The following CNTN4 variants were observed in gnomAD, a reference collection of about 807,000 sequenced individuals.
CNTN4 encodes contactin-4.
Under a neutral mutation model 122.5 loss-of-function variants are expected in CNTN4, and 77 were observed. The ratio of observed to expected loss-of-function variants is 0.63; its 90% CI spans 0.52 to 0.76. The LOEUF is 0.76. CNTN4 is among the 30% of genes least tolerant of loss of function. CNTN4 has a pLI of 0.00. For missense variants in CNTN4, 1,256 were observed against 1,259.1 expected, an observed-to-expected ratio of 1.00 and a Z score of 0.04; for synonymous variants, 512 against 447.0, an observed-to-expected ratio of 1.15 and a Z score of -1.83.
chr3:2,367,826 C>G (rs1193829207), intron 3 of CNTN4, among the ~76,000 whole-genome samples: 2 of 151,998 alleles, frequency 1.3e-5, no homozygotes, highest in African/African-American at 2.4e-5. Context: ...ACTTTTTTTT[C>G]TCTGTAACCC....
rs367850702 is a variant in CNTN4, at chr3:2,127,970, A to G, written c.-145+27331A>G. Among the ~76,000 whole-genome samples, 125 of 152,336 alleles carry G rather than the reference A, an allele frequency of 8.2e-4. 3 individuals carry two copies. In the South Asian group the frequency reaches 0.025, roughly 31 times the overall value. The stretch of plus-strand genomic sequence containing the variant: ...CACTCTTTCAAGCAGAGCGAGGAAA[A>G]TATGAATTTTGTGTTGTTAAAAGAT... On this transcript the variant is annotated intron_variant, in intron 2 of 24. Transcript: ENST00000418658.
chr3:3,016,401 C>A (rs1014809447), intron 14 of CNTN4, among the ~76,000 whole-genome samples: 1 of 152,130 alleles, frequency 6.6e-6, no homozygotes, highest in Non-Finnish European at 1.5e-5. Flanking sequence ...GCAGAAAATT[C>A]TTTGCATTTA....
intron 5 of CNTN4, among the ~76,000 whole-genome samples, chr3:2,742,905 A>G (rs1437924558): frequency 6.6e-6 from 1 of 152,242 alleles, no homozygotes; most frequent in East Asian, 1.9e-4. Flanking sequence ...CATTGCAATA[A>G]AACTTGGTAT....
At chr3:2,120,510 C>A (rs2033699538) in intron 2 of CNTN4, among the ~76,000 whole-genome samples, 1 of 149,232 alleles carries the variant, frequency 6.7e-6, no homozygotes, top group South Asian at 2.1e-4. Context: ...TCAAGCAATT[C>A]TCCTGTCTCA....
At chr3:2,414,450 A>G (rs1348270308) in intron 3 of CNTN4, among the ~76,000 whole-genome samples, 3 of 152,224 alleles carry the variant, frequency 2.0e-5, no homozygotes, top group Non-Finnish European at 2.9e-5. Context: ...ATATGTATGC[A>G]TTAAATAAAT....
intron 2 of CNTN4, among the ~76,000 whole-genome samples, chr3:2,279,387 A>T (rs1362382149): frequency 1.3e-5 from 2 of 152,194 alleles, no homozygotes; most frequent in Non-Finnish European, 2.9e-5. Context: ...TTCACAATGT[A>T]GTCTAGTCAA....
At chr3:2,360,991 A>C (rs1464496284) in intron 3 of CNTN4, among the ~76,000 whole-genome samples, 1 of 152,158 alleles carries the variant, frequency 6.6e-6, no homozygotes, top group African/African-American at 2.4e-5. Flanking sequence ...GATTGTTATA[A>C]ATGTTCACTG....
intron 2 of CNTN4, among the ~76,000 whole-genome samples, chr3:2,217,189 G>A (rs1378160121): frequency 6.6e-6 from 1 of 152,090 alleles, no homozygotes; most frequent in Admixed American, 6.6e-5. Flanking sequence ...TGTGACATGA[G>A]TCTTCCTCCT....
intron 3 of CNTN4, among the ~76,000 whole-genome samples, chr3:2,383,635 C>G (rs1286142340): frequency 6.6e-6 from 1 of 151,406 alleles, no homozygotes; most frequent in Non-Finnish European, 1.5e-5. Context: ...CTCCCCCTCT[C>G]CCTCTCCGCC....
chr3:2,531,854 T>C (rs1240639101), intron 3 of CNTN4, among the ~76,000 whole-genome samples: 1 of 152,180 alleles, frequency 6.6e-6, no homozygotes, highest in Non-Finnish European at 1.5e-5. Flanking sequence ...AATAAGAACT[T>C]ATGTGATGTC....
intron 6 of CNTN4, among the ~76,000 whole-genome samples, chr3:2,794,693 T>C (rs1208220949): frequency 6.6e-6 from 1 of 152,192 alleles, no homozygotes; most frequent in African/African-American, 2.4e-5. Flanking sequence ...TTCCATTCTG[T>C]TTAGGCTGCT....
At chr3:2,173,210 C>T (rs772831394) in intron 2 of CNTN4, among the ~76,000 whole-genome samples, 3 of 152,172 alleles carry the variant, frequency 2.0e-5, no homozygotes, top group Non-Finnish European at 2.9e-5. Context: ...CTAACGAGGA[C>T]ACAGTGATCA....
chr3:2,281,636 G>A (rs1489926209), intron 2 of CNTN4, among the ~76,000 whole-genome samples: 1 of 151,916 alleles, frequency 6.6e-6, no homozygotes, highest in Non-Finnish European at 1.5e-5. Flanking sequence ...CCCAATTCTT[G>A]ACAACCTTCT....
intron 19 of CNTN4, chr3:3,039,792 T>C: frequency 2.0e-6 from 1 of 504,818 alleles, no homozygotes; most frequent in Non-Finnish European, 3.6e-6. Context: ...CAGAGCTGGG[T>C]CTGCCCCATC....
At chr3:3,025,234 G>T (rs757149577) in intron 14 of CNTN4, among the ~76,000 whole-genome samples, 3 of 152,100 alleles carry the variant, frequency 2.0e-5, no homozygotes, top group Non-Finnish European at 4.4e-5. Flanking sequence ...ATAATGTAAA[G>T]GGTGAATTTT....
chr3:2,539,500 TC>T (rs2077947269), intron 3 of CNTN4, among the ~76,000 whole-genome samples: 1 of 152,080 alleles, frequency 6.6e-6, no homozygotes, highest in Admixed American at 6.6e-5. Flanking sequence ...ATGATAATAA[TC>T]TTGAGAACAA....
intron 3 of CNTN4, among the ~76,000 whole-genome samples, chr3:2,538,960 T>C (rs2149283232): frequency 6.6e-6 from 1 of 152,118 alleles, no homozygotes; most frequent in South Asian, 2.1e-4. Flanking sequence ...CATACAATTT[T>C]CCATCAAATA....
At chr3:2,932,908 C>T (rs956578381) in intron 13 of CNTN4, among the ~76,000 whole-genome samples, 2 of 152,022 alleles carry the variant, frequency 1.3e-5, no homozygotes, top group South Asian at 2.1e-4. Context: ...CTGCGAGCTC[C>T]GCCTCCCGGG....
intron 4 of CNTN4, among the ~76,000 whole-genome samples, chr3:2,581,238 G>C (rs974073500): frequency 1.3e-5 from 2 of 152,104 alleles, no homozygotes; most frequent in African/African-American, 4.8e-5. Flanking sequence ...AAGACAAGGA[G>C]AGAGGGGAAT....
Sources: gnomAD v4.1 joint callset for allele counts (sites outside exome capture counted in the v4.1 genomes callset) on GRCh38, gnomAD v4.1.1 for gene constraint, MANE v1.5 for transcripts, NCBI Gene and HGNC (gene_info 2026-07-23, HGNC 2026-07-21) for gene names.